The following DMD variants were observed in gnomAD, a reference collection of about 807,000 sequenced individuals.
The protein encoded by DMD is mutant dystrophin.
A neutral mutation model predicts 330.1 loss-of-function variants in DMD; 63 were observed. The observed-to-expected ratio is 0.19, with a 90% CI of 0.16 to 0.24. DMD has a LOEUF of 0.24. DMD is among the 10% of genes least tolerant of loss of function. The probability of loss-of-function intolerance (pLI) is 1.00; values close to 1 mark genes in which losing one functional copy is unlikely to be tolerated. For missense variants in DMD, 3,344 were observed against 2,684.1 expected, an observed-to-expected ratio of 1.25 and a Z score of -5.43; for synonymous variants, 1,223 against 959.8, an observed-to-expected ratio of 1.27 and a Z score of -5.07.
In DMD at chrX:31,569,616, ATATATACG is replaced by A. The variant is rs1406628704; in HGVS notation, c.8217+58049_8217+58056del. ...TATATACACATATATGTATATACGT[ATATATACG>A]TATATACGTATATATATGTATATAC... On this transcript the variant is annotated intron_variant, in intron 55 of 78. Coordinates refer to ENST00000357033, the MANE Select transcript of DMD (RefSeq NM_004006.3). Among the ~76,000 whole-genome samples the A allele has an allele frequency of 3.5e-4, 35 of 100,043 alleles. 1 individual carries two copies. Among genetic ancestry groups the A allele is most frequent in the East Asian group, 2.7e-3 (9 of 3,294 alleles). 86.9% of individuals were successfully genotyped at this position (100,043 alleles called of 115,157 possible).
At chrX:32,689,612 G>A (rs899239818) in intron 9 of DMD, among the ~76,000 whole-genome samples, 1 of 110,744 alleles carries the variant, frequency 9.0e-6, no homozygotes, top group African/African-American at 3.3e-5. Context: ...CAAGAAAACT[G>A]CAACTCAATA....
At chrX:32,734,204 A>G (rs1250003324) in intron 7 of DMD, among the ~76,000 whole-genome samples, 1 of 108,260 alleles carries the variant, frequency 9.2e-6, no homozygotes, top group East Asian at 2.9e-4. Flanking sequence ...CTCTCCCAAG[A>G]CTAAACCAGG....
intron 44 of DMD, among the ~76,000 whole-genome samples, chrX:32,164,332 G>C (rs1603627462): frequency 8.9e-6 from 1 of 111,890 alleles, no homozygotes; most frequent in Admixed American, 9.5e-5. Context: ...CTTGTTGAAT[G>C]GTTTTGACCA....
chrX:32,194,488 T>C (rs1173529921), intron 44 of DMD, among the ~76,000 whole-genome samples: 1 of 112,206 alleles, frequency 8.9e-6, no homozygotes, highest in Non-Finnish European at 1.9e-5. Context: ...TTTTTGACAT[T>C]CATTCATTCA....
At chrX:32,281,202 T>C (rs1474436072) in intron 43 of DMD, among the ~76,000 whole-genome samples, 2 of 111,722 alleles carry the variant, frequency 1.8e-5, no homozygotes, top group Non-Finnish European at 1.9e-5. Context: ...GGTTCCAGAA[T>C]GGTGGTGATA....
intron 57 of DMD, among the ~76,000 whole-genome samples, chrX:31,487,717 C>T (rs1268959815): frequency 9.0e-6 from 1 of 111,235 alleles, no homozygotes; most frequent in Non-Finnish European, 1.9e-5. Context: ...AAAAGCTCCG[C>T]CTTATTTTCA....
chrX:31,686,657 A>G (rs1012430532), intron 52 of DMD, among the ~76,000 whole-genome samples: 1 of 111,840 alleles, frequency 8.9e-6, no homozygotes, highest in African/African-American at 3.2e-5. Context: ...CTAATCAATG[A>G]CCTCTCTTTC....
intron 44 of DMD, among the ~76,000 whole-genome samples, chrX:32,187,767 A>T (rs193210588): frequency 9.0e-6 from 1 of 111,161 alleles, no homozygotes; most frequent in Non-Finnish European, 1.9e-5. Context: ...CAAAACCAGA[A>T]TTATTTTTTT....
intron 55 of DMD, among the ~76,000 whole-genome samples, chrX:31,515,288 C>T (rs1336516489): frequency 9.0e-6 from 1 of 111,165 alleles, no homozygotes; most frequent in African/African-American, 3.3e-5. Context: ...ATTTCCTTTC[C>T]TATGTAAATG....
At chrX:32,556,598 A>G (rs1012247204) in intron 16 of DMD, among the ~76,000 whole-genome samples, 23 of 112,098 alleles carry the variant, frequency 2.1e-4, no homozygotes, top group Non-Finnish European at 4.3e-4. Context: ...AAAATGTGGT[A>G]CATTTACACC....
chrX:32,659,554 G>C (rs951300758), intron 9 of DMD, among the ~76,000 whole-genome samples: 2 of 110,922 alleles, frequency 1.8e-5, no homozygotes, highest in African/African-American at 6.6e-5. Flanking sequence ...AGGTGATGTA[G>C]CATCTCGGAA....
intron 16 of DMD, among the ~76,000 whole-genome samples, chrX:32,547,229 G>A (rs1293930374): frequency 9.0e-6 from 1 of 111,047 alleles, no homozygotes; most frequent in Admixed American, 9.7e-5. Context: ...CAATCTCATA[G>A]AACATTTGTG....
At chrX:31,614,334 T>A (rs1569554842) in intron 55 of DMD, among the ~76,000 whole-genome samples, 1 of 112,063 alleles carries the variant, frequency 8.9e-6, no homozygotes, top group East Asian at 2.8e-4. Flanking sequence ...AGAGAATAAC[T>A]TTCTTTGTAA....
intron 1 of DMD, among the ~76,000 whole-genome samples, chrX:33,183,676 T>A (rs1238582334): frequency 9.0e-6 from 1 of 111,150 alleles, no homozygotes; most frequent in African/African-American, 3.3e-5. Flanking sequence ...CCTGTGGCTT[T>A]CATCATGATC....
intron 2 of DMD, among the ~76,000 whole-genome samples, chrX:32,925,988 T>C (rs193180124): frequency 2.7e-5 from 3 of 112,191 alleles, no homozygotes; most frequent in East Asian, 2.8e-4. Flanking sequence ...TGAAAAGATA[T>C]GTGCACTCCC....
rs1160321928 is a variant in DMD at position 32,252,641 on chromosome X, TATATATAAATACAA to T, written c.6290+34874_6290+34887del. Among the ~76,000 whole-genome samples the T allele has an allele frequency of 0.016, 1,249 of 78,430 alleles. 142 individuals are homozygous for T. In the East Asian group the frequency reaches 0.22, roughly 14 times the overall value. 68.1% of individuals were successfully genotyped at this position (78,430 alleles called of 115,157 possible). On this transcript the variant is annotated intron_variant, in intron 43 of 78. Transcript: ENST00000357033. Reference sequence around the variant, plus strand: ...ATATATAAATATGTGTATATATAAATATATATAAATACAAATATATAAATATATATATATAAATA... The same window carrying T: ...ATATATAAATATGTGTATATATAAATATATATAAATATATATATATAAATA...
At chrX:32,211,551 A>C (rs763180047) in intron 44 of DMD, among the ~76,000 whole-genome samples, 13 of 112,004 alleles carry the variant, frequency 1.2e-4, no homozygotes, top group Middle Eastern at 4.6e-3. Flanking sequence ...TAACAAGACT[A>C]TATTTTTTCC....
chrX:32,318,377 G>A (rs191428899), intron 41 of DMD, among the ~76,000 whole-genome samples: 47 of 111,469 alleles, frequency 4.2e-4, no homozygotes, highest in Non-Finnish European at 7.4e-4. Context: ...CAGGTGAGAC[G>A]GGTATGGTTT....
intron 44 of DMD, among the ~76,000 whole-genome samples, chrX:32,066,616 C>T (rs1276764036): frequency 5.4e-5 from 6 of 111,573 alleles, no homozygotes; most frequent in Non-Finnish European, 1.1e-4. Flanking sequence ...GTTGCAAAAA[C>T]ATTTTAACCT....
Sources: gnomAD v4.1 joint callset for allele counts (sites outside exome capture counted in the v4.1 genomes callset) on GRCh38, gnomAD v4.1.1 for gene constraint, MANE v1.5 for transcripts, NCBI Gene and HGNC (gene_info 2026-07-23, HGNC 2026-07-21) for gene names.